AGBL4: variants seen among roughly 807,000 people sequenced by gnomAD.
AGBL4 encodes cytosolic carboxypeptidase 6.
In AGBL4, 58 loss-of-function variants were observed where a neutral mutation model predicts 66.4. That is an observed-to-expected ratio of 0.87 (90% CI 0.71 to 1.09). The LOEUF (loss-of-function observed/expected upper bound fraction) is 1.09, where lower values mean the gene tolerates loss of function less well. Among genes scored for constraint, AGBL4 ranks in the 50% least tolerant of loss-of-function variants. The pLI is 0.00. For synonymous variants in AGBL4, 234 were observed against 222.9 expected, an observed-to-expected ratio of 1.05 and a Z score of -0.44; for missense variants, 579 against 631.0, an observed-to-expected ratio of 0.92 and a Z score of 0.88.
At chr1:49,575,849 T>G (rs1263439220) in intron 3 of AGBL4, among the ~76,000 whole-genome samples, 1 of 152,198 alleles carries the variant, frequency 6.6e-6, no homozygotes, top group Non-Finnish European at 1.5e-5. Context: ...ATATCAACTC[T>G]CCAGCTTTGT....
intron 3 of AGBL4, among the ~76,000 whole-genome samples, chr1:49,442,106 A>G (rs1367086219): frequency 6.6e-6 from 1 of 152,064 alleles, no homozygotes; most frequent in African/African-American, 2.4e-5. Context: ...GTCTTATTTA[A>G]GTTTAAAATT....
chr1:48,526,695 T>C, the AGBL4 span, among the ~76,000 whole-genome samples: 2 of 152,146 alleles, frequency 1.3e-5, no homozygotes, highest in Non-Finnish European at 2.9e-5. Flanking sequence ...AGTAGATTAG[T>C]AATAGAAGCA....
At chr1:48,747,329 T>C (rs1186846775) in intron 6 of AGBL4, among the ~76,000 whole-genome samples, 1 of 152,210 alleles carries the variant, frequency 6.6e-6, no homozygotes. Context: ...ATACCTTCCA[T>C]GGAAAGAAAA....
At chr1:48,742,731 G>A (rs766306124) in intron 6 of AGBL4, 4 of 1,608,008 alleles carry the variant, frequency 2.5e-6, no homozygotes, top group Non-Finnish European at 3.4e-6. Context: ...GCTCGGGCTC[G>A]AGACATTCTG....
chr1:49,054,699 G>GA (rs932105909), intron 4 of AGBL4, among the ~76,000 whole-genome samples: 16 of 151,762 alleles, frequency 1.1e-4, no homozygotes, highest in African/African-American at 3.9e-4. Context: ...AACTATATGT[G>GA]AAAAAAATGT....
intron 2 of AGBL4, among the ~76,000 whole-genome samples, chr1:49,822,310 C>CGTGT (rs143957066): frequency 0.019 from 2,776 of 145,864 alleles, 26 homozygotes; most frequent in East Asian, 0.034. Flanking sequence ...CTTCTTTCTT[C>CGTGT]GTGTGTGTGT....
At chr1:48,779,319 G>A (rs1349778057) in intron 6 of AGBL4, among the ~76,000 whole-genome samples, 2 of 152,084 alleles carry the variant, frequency 1.3e-5, no homozygotes, top group East Asian at 3.9e-4. Flanking sequence ...TAAACTATTT[G>A]ACATTTCCAA....
intron 2 of AGBL4, among the ~76,000 whole-genome samples, chr1:49,790,278 C>T (rs1215273804): frequency 1.3e-5 from 2 of 150,482 alleles, no homozygotes; most frequent in African/African-American, 2.4e-5. Context: ...GCAGAAGAAT[C>T]GCTTGAACCC....
chr1:49,150,392 G>A (rs145502980), intron 4 of AGBL4, among the ~76,000 whole-genome samples: 43 of 152,102 alleles, frequency 2.8e-4, no homozygotes, highest in Admixed American at 7.2e-4. Flanking sequence ...ACAAGTGAGC[G>A]GCAGAATTTT....
chr1:49,502,518 A>C (rs1303627774), intron 3 of AGBL4, among the ~76,000 whole-genome samples: 1 of 152,208 alleles, frequency 6.6e-6, no homozygotes, highest in Non-Finnish European at 1.5e-5. Flanking sequence ...AGAAGACAAA[A>C]AATTGGGGGA....
At chr1:49,170,495 CAT>C (rs1028442317) in intron 4 of AGBL4, among the ~76,000 whole-genome samples, 27 of 139,302 alleles carry the variant, frequency 1.9e-4, no homozygotes, top group African/African-American at 6.8e-4. Flanking sequence ...TATTTATATT[CAT>C]ATATATTTAT....
chr1:49,779,904 GAAAAAGAC>G (rs1204980154), intron 2 of AGBL4, among the ~76,000 whole-genome samples: 1 of 149,852 alleles, frequency 6.7e-6, no homozygotes, highest in Non-Finnish European at 1.5e-5. Context: ...AACGTTGAAA[GAAAAAGAC>G]AATGAGAAAA....
intron 2 of AGBL4, among the ~76,000 whole-genome samples, chr1:49,816,928 C>T (rs1438526825): frequency 6.6e-6 from 1 of 152,112 alleles, no homozygotes; most frequent in Non-Finnish European, 1.5e-5. Context: ...GAGAGCTGCT[C>T]ACAAAATCAG....
intron 3 of AGBL4, among the ~76,000 whole-genome samples, chr1:49,407,407 C>G (rs887483310): frequency 3.9e-5 from 6 of 152,212 alleles, no homozygotes; most frequent in African/African-American, 1.4e-4. Context: ...GCTATTGGCT[C>G]TCCTGGGTTT....
intron 11 of AGBL4, among the ~76,000 whole-genome samples, chr1:48,558,520 C>T (rs1422484217): frequency 6.6e-6 from 1 of 152,178 alleles, no homozygotes; most frequent in Non-Finnish European, 1.5e-5. Context: ...ATACCTCTTT[C>T]CACAGTGATT....
At chr1:49,021,203 T>C (rs1398345118) in intron 5 of AGBL4, among the ~76,000 whole-genome samples, 2 of 152,228 alleles carry the variant, frequency 1.3e-5, no homozygotes, top group Non-Finnish European at 2.9e-5. Flanking sequence ...TTGCTAGCTA[T>C]GTGAGTTCAA....
chr1:49,636,054 T>C (rs574526518), intron 3 of AGBL4, among the ~76,000 whole-genome samples: 1 of 152,296 alleles, frequency 6.6e-6, no homozygotes, highest in East Asian at 1.9e-4. Flanking sequence ...ACTCTAGGGC[T>C]GTATCTCTGT....
intron 8 of AGBL4, among the ~76,000 whole-genome samples, chr1:48,644,680 C>T (rs1300742985): frequency 6.6e-6 from 1 of 152,120 alleles, no homozygotes; most frequent in Non-Finnish European, 1.5e-5. Flanking sequence ...GCAAGAGGAA[C>T]AGATGGGAGT....
chr1:49,535,833 A>G (rs901040510), intron 3 of AGBL4, among the ~76,000 whole-genome samples: 1 of 152,120 alleles, frequency 6.6e-6, no homozygotes, highest in Admixed American at 6.6e-5. Flanking sequence ...CTGGGACTAC[A>G]GGTGCCTGCC....
Sources: gnomAD v4.1 joint callset for allele counts (sites outside exome capture counted in the v4.1 genomes callset) on GRCh38, gnomAD v4.1.1 for gene constraint, MANE v1.5 for transcripts, NCBI Gene and HGNC (gene_info 2026-07-23, HGNC 2026-07-21) for gene names.